The following ESRP2 variants were observed in gnomAD, a reference collection of about 807,000 sequenced individuals.
The protein encoded by ESRP2 is RNA binding motif protein 35A.
A neutral mutation model predicts 78.6 loss-of-function variants in ESRP2; 48 were observed. The ratio of observed to expected loss-of-function variants is 0.61; its 90% CI spans 0.48 to 0.78. The LOEUF (loss-of-function observed/expected upper bound fraction) is 0.78. Among genes scored for constraint, ESRP2 ranks in the 30% least tolerant of loss-of-function variants. The pLI is 0.00. For synonymous variants in ESRP2, 383 were observed against 406.7 expected (o/e 0.94, Z 0.70); for missense variants, 863 against 965.9 (o/e 0.89, Z 1.41).
intron 5 of ESRP2, chr16:68,233,071 C>T (rs891901070): frequency 8.1e-6 from 5 of 614,274 alleles, no homozygotes; most frequent in Non-Finnish European, 5.7e-6. Context: ...TGGTGGCAGG[C>T]GCCTATAATC....
intron 3 of ESRP2, 34 bp downstream of exon 3, chr16:68,233,960 C>A: frequency 6.2e-7 from 1 of 1,606,020 alleles, no homozygotes. Flanking sequence ...TTACTGACCA[C>A]CCCACCCCAC....
In ESRP2 at chr16:68,235,494, C is replaced by G; in HGVS notation, c.327+140G>C. ...GAAAGGGGCACGCACACGCGAGAGT[C>G]GCTCAAAGTTTCAAACAAGAGCCCA... is the stretch of plus-strand genomic sequence containing the variant. On this transcript the variant is annotated intron_variant, in intron 2 of 14. Transcript: ENST00000473183. This position sits in a 1 kb window ranked among gnomAD's most constrained non-coding sequence, Gnocchi z 5.5. 1 of 1,449,418 alleles carries G rather than the reference C, an allele frequency of 6.9e-7. No homozygotes were observed. Among genetic ancestry groups the G allele is most frequent in the African/African-American group, 1.4e-5 (1 of 69,846 alleles). 89.8% of individuals were successfully genotyped at this position (1,449,418 alleles called of 1,614,324 possible). A position where few individuals can be genotyped will look rare whatever the true frequency, so the allele number is the denominator to read the frequency against.
chr16:68,236,032 G>T lies in ESRP2; in HGVS notation c.14C>A (p.Pro5Gln). 6.9e-7 allele frequency: 1 copy of T among 1,455,486 alleles called. No individual in the cohort carries two copies. The highest frequency in any genetic ancestry group is 9.0e-7 in the Non-Finnish European group (1 of 1,115,236). 90.2% of individuals were successfully genotyped at this position (1,455,486 alleles called of 1,614,324 possible). A position where few individuals can be genotyped will look rare whatever the true frequency, so the allele number is the denominator to read the frequency against. ...AGGGCCCGGGGGAGGGGGCGGCGGC[G>T]GCGGCGGAGTCATGGCCGCAGAGGA... Reference protein sequence around the residue: MTPPPPPPPPPGPDP... With the variant: MTPPQPPPPPPGPDP... The change falls in exon 1 of 15, where the codon CCG becomes CAG. Residue 5 changes from proline to glutamine, a missense_variant. Transcript: ENST00000473183. The surrounding 1 kb of genome is among the most constrained non-coding windows in gnomAD (Gnocchi z 5.2).
chr16:68,232,133 C>G lies in ESRP2; in HGVS notation c.998-30G>C. On this transcript the variant is annotated intron_variant, in intron 9 of 14. Transcript: ENST00000473183. The surrounding 1 kb of genome is among the most constrained non-coding windows in gnomAD (Gnocchi z 5.2). ...GTATGAGAGTCGCCTGCTGACTTCACTCATGCTCCTCCAGACACTCACCCA... is the reference window on the plus strand; with the variant it reads ...GTATGAGAGTCGCCTGCTGACTTCAGTCATGCTCCTCCAGACACTCACCCA... 1.2e-6 allele frequency: 2 copies of G among 1,610,200 alleles called. No individual in the cohort carries two copies. The highest frequency in any genetic ancestry group is 1.3e-5 in the African/African-American group (1 of 74,954).
At position 68,231,122 on chromosome 16, in the gene ESRP2, T is replaced by C; in HGVS notation, c.1711+56A>G. 1 of 1,609,068 alleles carries C rather than the reference T, an allele frequency of 6.2e-7. No individual in the cohort carries two copies. Among genetic ancestry groups the C allele is most frequent in the Non-Finnish European group, 8.5e-7 (1 of 1,176,554 alleles). ...AGTCCCCGCTATAGAAGGTAGGGGC[T>C]TACAACAGCCTGGCTACCACAGGCC... On this transcript the variant is annotated intron_variant, in intron 12 of 14. Transcript: ENST00000473183. This position sits in a 1 kb window ranked among gnomAD's most constrained non-coding sequence, Gnocchi z 6.0.
In ESRP2 at chr16:68,232,891, C is replaced by A; in HGVS notation, c.656-76G>T. 6.3e-7 allele frequency: 1 copy of A among 1,595,584 alleles called. No individual in the cohort carries two copies. The highest frequency in any genetic ancestry group is 8.6e-7 in the Non-Finnish European group (1 of 1,165,468). On this transcript the variant is annotated intron_variant, in intron 5 of 14. Coordinates refer to ENST00000473183, the MANE Select transcript of ESRP2 (RefSeq NM_024939.3). The surrounding 1 kb of genome is among the most constrained non-coding windows in gnomAD (Gnocchi z 5.2). ...CCCACCAAGTTCTGCAAAAAGTGGACAATTGAGAGAGATGAAGAAATGACA... is the reference window on the plus strand; with the variant it reads ...CCCACCAAGTTCTGCAAAAAGTGGAAAATTGAGAGAGATGAAGAAATGACA...
Position 68,231,410 on chromosome 16 carries a change from T to C in ESRP2, c.1513-34A>G. On this transcript the variant is annotated intron_variant, in intron 11 of 14. Transcript: ENST00000473183. This position sits in a 1 kb window ranked among gnomAD's most constrained non-coding sequence, Gnocchi z 6.0. ...ACCATCTTGTGAGCAGTTTGTCATGTGTAAGAGTGCCTTACCCCTAACACA... is the reference window on the plus strand; with the variant it reads ...ACCATCTTGTGAGCAGTTTGTCATGCGTAAGAGTGCCTTACCCCTAACACA... 6.2e-7 allele frequency: 1 copy of C among 1,613,940 alleles called. No homozygotes were observed. Among genetic ancestry groups the C allele is most frequent in the Non-Finnish European group, 8.5e-7 (1 of 1,179,872 alleles).
chr16:68,233,211 A>G (rs972060552), intron 5 of ESRP2, 116 bp downstream of exon 5: 18 of 740,446 alleles, frequency 2.4e-5, no homozygotes, highest in Admixed American at 1.3e-4. Context: ...AAAAAAAAAA[A>G]AAAGAAATGA....
intron 4 of ESRP2, 157 bp downstream of exon 4, chr16:68,233,611 C>T (rs1421793957): frequency 2.7e-6 from 2 of 732,690 alleles, no homozygotes; most frequent in Non-Finnish European, 4.7e-6. Flanking sequence ...ACATTCCAAA[C>T]TCATCCTAGC....
At chr16:68,234,341 C>T (rs2042191954) in intron 2 of ESRP2, 1 of 545,328 alleles carries the variant, frequency 1.8e-6, no homozygotes, top group Admixed American at 3.4e-5. Context: ...AGGGCAATCA[C>T]ATATAACCGA....
rs1314505488 is a variant in ESRP2, at chr16:68,231,163, C to T, written c.1711+15G>A. The T allele has an allele frequency of 6.2e-7, 1 of 1,612,804 alleles. No individual in the cohort carries two copies. Among genetic ancestry groups the T allele is most frequent in the South Asian group, 1.1e-5 (1 of 91,086 alleles). ...ACCACAGGCCTCCTCCTCCCCTAGC[C>T]CCTAGGGCACTCACAGGGCAGCTTG... On this transcript the variant is annotated intron_variant, in intron 12 of 14. Coordinates refer to ENST00000473183, the MANE Select transcript of ESRP2 (RefSeq NM_024939.3). This position sits in a 1 kb window ranked among gnomAD's most constrained non-coding sequence, Gnocchi z 6.0.
Position 68,234,021 on chromosome 16 carries a change from C to G in ESRP2, c.414G>C (p.Gln138His). 1.2e-6 allele frequency: 2 copies of G among 1,614,100 alleles called. No homozygotes were observed. Among genetic ancestry groups the G allele is most frequent in the Non-Finnish European group, 1.7e-6 (2 of 1,179,996 alleles). The change falls in exon 3 of 15, where the codon CAG (glutamine) becomes CAC (histidine). Residue 138 changes from glutamine to histidine, a missense_variant. By Grantham distance (24) the Gln-to-His change is conservative. Transcript: ENST00000473183. Reference sequence around the variant, plus strand: ...TCCTGGAGGCCTCGGGGTGCAGGACCTGTCGCAATAGCTGCTGCCCATCAG... The same window carrying G: ...TCCTGGAGGCCTCGGGGTGCAGGACGTGTCGCAATAGCTGCTGCCCATCAG... ...LCTDGQQLLR[Q>H]VLHPEASRKN... is the part of the protein sequence containing the mutation.
intron 2 of ESRP2, chr16:68,234,421 G>A (rs2042193295): frequency 3.6e-6 from 1 of 281,526 alleles, no homozygotes; most frequent in Admixed American, 5.0e-5. Flanking sequence ...GGACAAGCAG[G>A]TGGGAAGGGG....
At position 68,233,125 on chromosome 16, in the gene ESRP2, G is replaced by T; in HGVS notation, c.655+202C>A. 6.6e-6 allele frequency: 4 copies of T among 607,636 alleles called. No homozygotes were observed. The South Asian group carries it at 8.1e-5, about 12-fold the overall frequency. 37.6% of individuals were successfully genotyped at this position (607,636 alleles called of 1,614,324 possible). ...TAGACAGGAGAATCGCTTGAACCCG[G>T]AAAGTGGAGGTTGCAGTGAGCTGAG... On this transcript the variant is annotated intron_variant, in intron 5 of 14. Transcript: ENST00000473183.
chr16:68,232,817 T>C lies in ESRP2; in HGVS notation c.656-2A>G. On this transcript the variant is annotated splice_acceptor_variant, in intron 5 of 14. Coordinates refer to ENST00000473183, the MANE Select transcript of ESRP2 (RefSeq NM_024939.3). LOFTEE classifies it high-confidence loss of function. This position sits in a 1 kb window ranked among gnomAD's most constrained non-coding sequence, Gnocchi z 5.2. ...CCTCGGGCTTCGAAAACAATTGACC[T>C]GAGAAAAGATGGCCTGGGGGTCAGC... 1 of 1,613,240 alleles carries C rather than the reference T, an allele frequency of 6.2e-7. No homozygotes were observed.
chr16:68,235,968 C>T lies in ESRP2; in HGVS notation c.78G>A (p.Trp26Ter). ...CGAAGAGGACGACCAGTGATCCGGG[C>T]CAGGGGCAGGGGTCCGCGGCGGGGT... is the stretch of plus-strand genomic sequence containing the variant. ...AADPAADPCP[W>*]PGSLVVLFGA... The change falls in exon 1 of 15, where the codon TGG becomes TGA. Residue 26 changes from tryptophan (W) to a stop codon, truncating the protein, a stop_gained. Transcript: ENST00000473183. LOFTEE classifies it high-confidence loss of function. The surrounding 1 kb of genome is among the most constrained non-coding windows in gnomAD (Gnocchi z 5.5). 6.2e-7 allele frequency: 1 copy of T among 1,607,336 alleles called. No individual in the cohort carries two copies. Among genetic ancestry groups the T allele is most frequent in the Non-Finnish European group, 8.5e-7 (1 of 1,177,970 alleles).
chr16:68,231,539 C>A lies in ESRP2; in HGVS notation c.1455G>T (p.Leu485=). Residue 485 remains leucine, a synonymous_variant, in exon 11 of 15, where the codon CTG becomes CTT. Coordinates refer to ENST00000473183, the MANE Select transcript of ESRP2 (RefSeq NM_024939.3). This position sits in a 1 kb window ranked among gnomAD's most constrained non-coding sequence, Gnocchi z 6.0. ...TATIEDILSF[L]GEAAADIRPH... Reference sequence around the variant, plus strand: ...GCCGAATGTCAGCTGCTGCCTCCCCCAGAAAGCTCAGGATGTCTTCAATGG... The same window carrying A: ...GCCGAATGTCAGCTGCTGCCTCCCCAAGAAAGCTCAGGATGTCTTCAATGG... 1 of 1,614,146 alleles carries A rather than the reference C, an allele frequency of 6.2e-7. No individual in the cohort carries two copies.
Position 68,231,131 on chromosome 16 carries a change from C to T in ESRP2, c.1711+47G>A, listed in dbSNP as rs1190547331. The stretch of plus-strand genomic sequence containing the variant: ...TATAGAAGGTAGGGGCTTACAACAG[C>T]CTGGCTACCACAGGCCTCCTCCTCC... On this transcript the variant is annotated intron_variant, in intron 12 of 14. Transcript: ENST00000473183. This position sits in a 1 kb window ranked among gnomAD's most constrained non-coding sequence, Gnocchi z 6.0. The T allele has an allele frequency of 6.2e-7, 1 of 1,610,372 alleles. No individual in the cohort carries two copies. The highest frequency in any genetic ancestry group is 1.7e-5 in the Admixed American group (1 of 59,978).
chr16:68,230,782 A>C (rs965453588), intron 13 of ESRP2, 59 bp downstream of exon 13: 2 of 1,598,714 alleles, frequency 1.3e-6, no homozygotes, highest in Non-Finnish European at 1.7e-6. Context: ...GGGGATCGTG[A>C]CCTTTCCCCA....
Sources: gnomAD v4.1 joint callset for allele counts on GRCh38, gnomAD v4.1.1 for gene constraint, Gnocchi (gnomAD v3.1) non-coding constraint, MANE v1.5 for transcripts, NCBI Gene and HGNC (gene_info 2026-07-23, HGNC 2026-07-21) for gene names.